The following IL1RAPL2 variants were observed in gnomAD, a reference collection of about 807,000 sequenced individuals.
The protein encoded by IL1RAPL2 is interleukin 1 receptor accessory protein like 2, also known as X-linked interleukin-1 receptor accessory protein-like 2.
In IL1RAPL2, 3 loss-of-function variants were observed where a neutral mutation model predicts 44.1. The ratio of observed to expected loss-of-function variants is 0.07; its 90% confidence interval spans 0.03 to 0.18. The LOEUF is 0.18. IL1RAPL2 is among the 10% of genes least tolerant of loss of function. The probability of loss-of-function intolerance (pLI) is 1.00; values close to 1 mark genes in which losing one functional copy is unlikely to be tolerated. For missense variants in IL1RAPL2, 391 were observed against 496.4 expected (o/e 0.79, Z 2.02); for synonymous variants, 181 against 178.8 (o/e 1.01, Z -0.10).
intron 6 of IL1RAPL2, among the ~76,000 whole-genome samples, chrX:105,531,966 A>G (rs770392819): frequency 9.0e-6 from 1 of 111,500 alleles, no homozygotes; most frequent in African/African-American, 3.3e-5. Flanking sequence ...ATAGCTCTGT[A>G]GTATAATTTA....
chrX:105,681,007 G>A (rs1216714469), intron 6 of IL1RAPL2, among the ~76,000 whole-genome samples: 1 of 111,927 alleles, frequency 8.9e-6, no homozygotes. Flanking sequence ...AATGGTAATA[G>A]ATTGCGTGGG....
chrX:104,681,451 G>A (rs1057077174), intron 2 of IL1RAPL2, among the ~76,000 whole-genome samples: 2 of 111,756 alleles, frequency 1.8e-5, no homozygotes, highest in African/African-American at 3.2e-5. Context: ...TCTGAACAAC[G>A]TGAGAAAGAG....
At chrX:104,947,639 A>G (rs1925421470) in intron 2 of IL1RAPL2, among the ~76,000 whole-genome samples, 1 of 105,752 alleles carries the variant, frequency 9.5e-6, no homozygotes, top group South Asian at 4.5e-4. Flanking sequence ...ACATATGGCT[A>G]GCCTGTTTTC....
intron 2 of IL1RAPL2, among the ~76,000 whole-genome samples, chrX:105,112,370 A>C (rs767077712): frequency 3.6e-5 from 4 of 112,342 alleles, no homozygotes; most frequent in Non-Finnish European, 5.6e-5. Context: ...TCCTCAAAAA[A>C]ATCACACACA....
chrX:105,451,864 T>C (rs1419364046), intron 5 of IL1RAPL2, among the ~76,000 whole-genome samples: 1 of 111,692 alleles, frequency 9.0e-6, no homozygotes, highest in African/African-American at 3.3e-5. Context: ...ATTAACCACA[T>C]TCAACAGAGA....
Position 105,447,573 on chromosome X carries a change from A to T in IL1RAPL2, c.698-36740A>T, listed in dbSNP as rs1329346147. 1.8e-3 allele frequency among the ~76,000 whole-genome samples: 140 copies of T among 78,785 alleles called. 1 individual carries two copies. The highest frequency in any genetic ancestry group is 6.8e-3 in the African/African-American group (129 of 19,029). 68.4% of individuals were successfully genotyped at this position (78,785 alleles called of 115,157 possible). A position where few individuals can be genotyped will look rare whatever the true frequency, so the allele number is the denominator to read the frequency against. ...TATAAATAAATATAAATATATAAAC[A>T]TAAATATATATTTATATAAATATAA... On this transcript the variant is annotated intron_variant, in intron 5 of 10. Coordinates refer to ENST00000372582, the MANE Select transcript of IL1RAPL2 (RefSeq NM_017416.2).
At chrX:104,716,116 C>G (rs1931560234) in intron 2 of IL1RAPL2, among the ~76,000 whole-genome samples, 1 of 110,605 alleles carries the variant, frequency 9.0e-6, no homozygotes, top group Non-Finnish European at 1.9e-5. Flanking sequence ...AATAGAGAAC[C>G]CAGAAATAAG....
intron 2 of IL1RAPL2, among the ~76,000 whole-genome samples, chrX:105,136,345 T>G (rs1019261768): frequency 1.8e-5 from 2 of 112,080 alleles, no homozygotes; most frequent in Non-Finnish European, 3.8e-5. Context: ...ACTTTGACCT[T>G]TATTTCCTGT....
intron 1 of IL1RAPL2, among the ~76,000 whole-genome samples, chrX:104,582,514 TTC>T (rs1286991486): frequency 1.0e-4 from 11 of 105,910 alleles, no homozygotes; most frequent in African/African-American, 7.4e-5. Context: ...CTCTCTCTCT[TTC>T]TTTCTTTTTC....
chrX:105,092,943 T>A (rs985834178), intron 2 of IL1RAPL2, among the ~76,000 whole-genome samples: 2 of 110,872 alleles, frequency 1.8e-5, no homozygotes. Flanking sequence ...AAGGCCTAAC[T>A]GGAAGTAAAA....
intron 2 of IL1RAPL2, among the ~76,000 whole-genome samples, chrX:104,974,932 C>T (rs184054589): frequency 3.4e-4 from 38 of 112,273 alleles, no homozygotes; most frequent in Admixed American, 2.7e-3. Context: ...CAGGGGCCTG[C>T]GAGTTGGGAT....
chrX:105,676,247 G>A (rs1406703805), intron 6 of IL1RAPL2: 2 of 112,075 alleles, frequency 1.8e-5, no homozygotes, highest in East Asian at 5.6e-4. Context: ...TCCACTGGTA[G>A]AAAGTAATGA....
intron 5 of IL1RAPL2, among the ~76,000 whole-genome samples, chrX:105,461,455 C>T (rs1054530769): frequency 1.8e-5 from 2 of 110,793 alleles, no homozygotes. Context: ...TAAATGTTAC[C>T]CTAGTGGCTT....
intron 2 of IL1RAPL2, among the ~76,000 whole-genome samples, chrX:104,698,948 T>C (rs1166546595): frequency 9.0e-6 from 1 of 111,352 alleles, no homozygotes; most frequent in Admixed American, 9.5e-5. Context: ...TCTCTCTTAT[T>C]CTCACTCTGT....
intron 5 of IL1RAPL2, among the ~76,000 whole-genome samples, chrX:105,462,928 C>T (rs1463686661): frequency 9.0e-6 from 1 of 111,203 alleles, no homozygotes; most frequent in Non-Finnish European, 1.9e-5. Flanking sequence ...TCCTTACCCC[C>T]ATTTTCTCTT....
At chrX:105,318,877 C>G (rs1334275648) in intron 5 of IL1RAPL2, among the ~76,000 whole-genome samples, 2 of 112,186 alleles carry the variant, frequency 1.8e-5, no homozygotes, top group Non-Finnish European at 3.8e-5. Flanking sequence ...AATACAGGTC[C>G]AGGTGTCCAA....
At chrX:105,351,982 C>G (rs1423683073) in intron 5 of IL1RAPL2, among the ~76,000 whole-genome samples, 1 of 111,788 alleles carries the variant, frequency 8.9e-6, no homozygotes, top group Non-Finnish European at 1.9e-5. Context: ...GGGTCTGGCT[C>G]TGTTGTCCAG....
chrX:105,423,015 C>T (rs1295500131), intron 5 of IL1RAPL2, among the ~76,000 whole-genome samples: 4 of 110,780 alleles, frequency 3.6e-5, no homozygotes, highest in Non-Finnish European at 7.6e-5. Context: ...GCCTTTGTTG[C>T]ACACAAAAAA....
At chrX:105,433,119 A>T (rs1295841068) in intron 5 of IL1RAPL2, among the ~76,000 whole-genome samples, 2 of 111,126 alleles carry the variant, frequency 1.8e-5, no homozygotes, top group African/African-American at 6.5e-5. Context: ...TTAATATGCT[A>T]GTCTAGCTAT....
Sources: gnomAD v4.1 joint callset for allele counts (sites outside exome capture counted in the v4.1 genomes callset) on GRCh38, gnomAD v4.1.1 for gene constraint, MANE v1.5 for transcripts, NCBI Gene and HGNC (gene_info 2026-07-23, HGNC 2026-07-21) for gene names.